Variants in ZRANB3 observed in about 807,000 individuals in gnomAD.
The protein encoded by ZRANB3 is DNA annealing helicase and endonuclease ZRANB3.
In ZRANB3, 125 loss-of-function variants were observed where a neutral mutation model predicts 133.8. The ratio of observed to expected loss-of-function variants is 0.93; its 90% CI spans 0.81 to 1.08. The LOEUF (loss-of-function observed/expected upper bound fraction) is 1.08, where lower values mean the gene tolerates loss of function less well. Ranked by LOEUF, ZRANB3 falls within the 50% of genes least tolerant of loss-of-function variation. The pLI is 0.00. For missense variants in ZRANB3, 1,229 were observed against 1,275.5 expected (o/e 0.96, Z 0.56); for synonymous variants, 387 against 432.7 (o/e 0.89, Z 1.31).
At chr2:135,519,949 T>G (rs138695617) in intron 1 of ZRANB3, among the ~76,000 whole-genome samples, 380 of 152,200 alleles carry the variant, frequency 2.5e-3, no homozygotes, top group Middle Eastern at 6.8e-3. Flanking sequence ...AGGAAGAGGA[T>G]ATGGTATATA....
At chr2:135,441,062 G>A (rs531028210) in intron 2 of ZRANB3, among the ~76,000 whole-genome samples, 15 of 151,900 alleles carry the variant, frequency 9.9e-5, no homozygotes, top group East Asian at 5.8e-4. Context: ...AAAAAAATAC[G>A]GAAAAATCAG....
chr2:135,249,653 G>A (rs768300298), intron 12 of ZRANB3, among the ~76,000 whole-genome samples: 5 of 152,152 alleles, frequency 3.3e-5, no homozygotes, highest in Non-Finnish European at 7.3e-5. Context: ...TTTTTCCTGC[G>A]CTAGTCTAGT....
intron 3 of ZRANB3, among the ~76,000 whole-genome samples, chr2:135,362,792 G>A (rs1685749732): frequency 6.6e-6 from 1 of 152,120 alleles, no homozygotes; most frequent in Non-Finnish European, 1.5e-5. Context: ...CCCCACTTGA[G>A]CAAACGTGTT....
chr2:135,492,137 A>G (rs1012047398), intron 2 of ZRANB3, among the ~76,000 whole-genome samples: 3 of 152,222 alleles, frequency 2.0e-5, no homozygotes, highest in East Asian at 1.9e-4. Context: ...GAATGATCAT[A>G]TAATAACATA....
At chr2:135,530,208 CA>C (rs371430339) in intron 1 of ZRANB3, among the ~76,000 whole-genome samples, 14,444 of 102,428 alleles carry the variant, frequency 0.14, 901 homozygotes, top group South Asian at 0.37. Flanking sequence ...GACTCCGTCT[CA>C]AAAAAAAAAA....
At chr2:135,425,837 CAA>C (rs1403910727) in intron 2 of ZRANB3, among the ~76,000 whole-genome samples, 1 of 150,448 alleles carries the variant, frequency 6.6e-6, no homozygotes, top group East Asian at 2.0e-4. Context: ...AAGAAATAAC[CAA>C]AGTCAGAGCT....
chr2:135,272,001 G>A, intron 9 of ZRANB3, 114 bp from the exon 10 acceptor site: 1 of 1,159,098 alleles, frequency 8.6e-7, no homozygotes, highest in Non-Finnish European at 1.1e-6. Context: ...ACTTGGTTAA[G>A]GTGACAGATT....
At chr2:135,360,233 T>C (rs62172182) in intron 3 of ZRANB3, among the ~76,000 whole-genome samples, 4,233 of 151,088 alleles carry the variant, frequency 0.028, 87 homozygotes, top group South Asian at 0.044. Flanking sequence ...ACAAAAAAAT[T>C]AGCCCGGCAT....
At chr2:135,353,831 T>C (rs1437573769) in intron 3 of ZRANB3, among the ~76,000 whole-genome samples, 1 of 151,878 alleles carries the variant, frequency 6.6e-6, no homozygotes, top group African/African-American at 2.4e-5. Flanking sequence ...TGAAACCCTG[T>C]CTCTATAAAA....
rs540583184 is a variant in ZRANB3, at chr2:135,267,363, C to T, written c.1386+1599G>A. On this transcript the variant is annotated intron_variant, in intron 11 of 20. Transcript: ENST00000264159. Reference sequence around the variant, plus strand: ...TTCCTCTTCCTATAAAGCCACCAGTCCCACTCCTATGATAACCCATTAATC... The same window carrying T: ...TTCCTCTTCCTATAAAGCCACCAGTTCCACTCCTATGATAACCCATTAATC... 2.2e-4 allele frequency among the ~76,000 whole-genome samples: 34 copies of T among 152,070 alleles called. No homozygotes were observed. In the South Asian group the frequency reaches 6.0e-3, roughly 27 times the overall value.
intron 2 of ZRANB3, among the ~76,000 whole-genome samples, chr2:135,503,412 C>G (rs1322424083): frequency 6.6e-6 from 1 of 152,162 alleles, no homozygotes; most frequent in African/African-American, 2.4e-5. Flanking sequence ...CTCTAACATT[C>G]TTTCAACTTT....
intron 3 of ZRANB3, 116 bp downstream of exon 3, chr2:135,390,686 C>T: frequency 7.0e-7 from 1 of 1,431,808 alleles, no homozygotes; most frequent in South Asian, 1.3e-5. Flanking sequence ...TCTCTCTCTC[C>T]CCATCCCCAT....
At chr2:135,525,378 T>A (rs1694108208) in intron 1 of ZRANB3, among the ~76,000 whole-genome samples, 1 of 152,214 alleles carries the variant, frequency 6.6e-6, no homozygotes, top group African/African-American at 2.4e-5. Context: ...GGGAACATCC[T>A]TTCTGAAGAG....
chr2:135,497,069 A>G (rs542100177), intron 2 of ZRANB3, among the ~76,000 whole-genome samples: 4 of 152,330 alleles, frequency 2.6e-5, no homozygotes, highest in Admixed American at 1.3e-4. Context: ...ACAAAAAAAG[A>G]TAAGAGATAT....
intron 8 of ZRANB3, among the ~76,000 whole-genome samples, chr2:135,310,515 T>G (rs1465079243): frequency 6.6e-6 from 1 of 152,136 alleles, no homozygotes; most frequent in Non-Finnish European, 1.5e-5. Context: ...AAGAATTATA[T>G]GCTACAAAAA....
chr2:135,360,158 C>T (rs1439823181), intron 3 of ZRANB3, among the ~76,000 whole-genome samples: 1 of 151,656 alleles, frequency 6.6e-6, no homozygotes, highest in African/African-American at 2.4e-5. Context: ...GCGGGTGGGT[C>T]ACCTGAGGTC....
At chr2:135,309,594 G>A (rs1445801894) in intron 8 of ZRANB3, among the ~76,000 whole-genome samples, 1 of 151,876 alleles carries the variant, frequency 6.6e-6, no homozygotes, top group African/African-American at 2.4e-5. Flanking sequence ...ACTTAGCAAG[G>A]GAAACCTGGA....
chr2:135,476,998 GA>G (rs1691529904), intron 2 of ZRANB3, among the ~76,000 whole-genome samples: 1 of 152,116 alleles, frequency 6.6e-6, no homozygotes, highest in South Asian at 2.1e-4. Flanking sequence ...TGGGATTACA[GA>G]CATAAGCGAC....
chr2:135,437,400 G>A (rs1448453642), intron 2 of ZRANB3, among the ~76,000 whole-genome samples: 2 of 152,152 alleles, frequency 1.3e-5, no homozygotes, highest in Middle Eastern at 3.2e-3. Context: ...TTTGCATAAC[G>A]TTCAGAAACA....
Sources: allele counts gnomAD v4.1 joint callset (sites outside exome capture counted in the v4.1 genomes callset), GRCh38; gene constraint gnomAD v4.1.1; transcripts MANE v1.5; gene names NCBI Gene and HGNC (gene_info 2026-07-23, HGNC 2026-07-21).